DCUN1D2: variants seen among roughly 807,000 people sequenced by gnomAD.
DCUN1D2 encodes the protein DCN1-like protein 2.
Under a neutral mutation model 30.9 loss-of-function variants are expected in DCUN1D2, and 29 were observed. The ratio of observed to expected loss-of-function variants is 0.94; its 90% CI spans 0.70 to 1.28. The LOEUF (loss-of-function observed/expected upper bound fraction) is 1.28. Among genes scored for constraint, DCUN1D2 ranks in the 50% most tolerant of loss-of-function variants. The probability of loss-of-function intolerance (pLI) is 0.00; values close to 1 mark genes in which losing one functional copy is unlikely to be tolerated. For synonymous variants in DCUN1D2, 121 were observed against 115.3 expected (o/e 1.05, Z -0.32); for missense variants, 325 against 316.9 (o/e 1.03, Z -0.19).
At chr13:113,470,731 AG>A (rs1276945290) in intron 4 of DCUN1D2, among the ~76,000 whole-genome samples, 1 of 108,874 alleles carries the variant, frequency 9.2e-6, no homozygotes, top group East Asian at 3.0e-4. Flanking sequence ...CAACTCCACA[AG>A]GGACCCAACT....
intron 4 of DCUN1D2, among the ~76,000 whole-genome samples, chr13:113,461,430 T>C (rs2139676739): frequency 6.6e-6 from 1 of 152,340 alleles, no homozygotes; most frequent in South Asian, 2.1e-4. Flanking sequence ...ATATTGGGTG[T>C]TCTTTAAACC....
chr13:113,463,414 G>A (rs772448010), intron 4 of DCUN1D2, among the ~76,000 whole-genome samples: 2 of 151,932 alleles, frequency 1.3e-5, no homozygotes, highest in East Asian at 1.9e-4. Context: ...AAAGCTGGCC[G>A]GGCACAGTGG....
At chr13:113,472,235 T>G (rs1595577841) in intron 4 of DCUN1D2, among the ~76,000 whole-genome samples, 1 of 151,724 alleles carries the variant, frequency 6.6e-6, no homozygotes, top group Admixed American at 6.6e-5. Flanking sequence ...CAAGCTCAAG[T>G]AGGAAAAATA....
intron 1 of DCUN1D2, among the ~76,000 whole-genome samples, chr13:113,485,559 C>T (rs925068547): frequency 6.6e-6 from 1 of 152,098 alleles, no homozygotes; most frequent in Non-Finnish European, 1.5e-5. Flanking sequence ...CCTGAGGAAA[C>T]GTCTTCTGCG....
Position 113,456,168 on chromosome 13 carries a change from C to T in DCUN1D2, c.*1861G>A, listed in dbSNP as rs920574249. 2.5e-6 allele frequency: 1 copy of T among 398,610 alleles called. No homozygotes were observed. The highest frequency in any genetic ancestry group is 4.4e-6 in the Non-Finnish European group (1 of 226,074). 24.7% of individuals were successfully genotyped at this position (398,610 alleles called of 1,614,324 possible). ...AATGCTCTCTGAGAATCGAAGACTTCTAAAGGTAGACAGGCCCAGTTTCCC... is the reference window on the plus strand; with the variant it reads ...AATGCTCTCTGAGAATCGAAGACTTTTAAAGGTAGACAGGCCCAGTTTCCC... On this transcript the variant is annotated 3_prime_UTR_variant, in exon 7 of 7. Transcript: ENST00000478244.
intron 3 of DCUN1D2, among the ~76,000 whole-genome samples, chr13:113,479,447 C>T (rs545951158): frequency 1.3e-5 from 2 of 152,116 alleles, no homozygotes; most frequent in Non-Finnish European, 2.9e-5. Flanking sequence ...ACAATATGAA[C>T]AGGTGATATT....
rs1424328396 is a variant in DCUN1D2, at chr13:113,490,697, GC to G, written c.-29del. 8.2e-7 allele frequency: 1 copy of G among 1,219,262 alleles called. No individual in the cohort carries two copies. Among genetic ancestry groups the G allele is most frequent in the South Asian group, 3.1e-5 (1 of 32,272 alleles). 75.5% of individuals were successfully genotyped at this position (1,219,262 alleles called of 1,614,324 possible). On this transcript the variant is annotated 5_prime_UTR_variant, in exon 1 of 7. Transcript: ENST00000478244. The surrounding 1 kb of genome is among the most constrained non-coding windows in gnomAD (Gnocchi z 5.2). ...CCCCCGCGCCGCCCGCTTCTGGCCG[GC>G]CCCGGCCTTCTGCGCAGGCGCGGCG...
chr13:113,464,414 G>T (rs1050736890), intron 4 of DCUN1D2, among the ~76,000 whole-genome samples: 1 of 152,204 alleles, frequency 6.6e-6, no homozygotes, highest in Non-Finnish European at 1.5e-5. Context: ...TCTTAAAAAT[G>T]TTTCCAAACA....
chr13:113,490,758 C>A, upstream of DCUN1D2: 1 of 1,134,816 alleles, frequency 8.8e-7, no homozygotes, highest in Non-Finnish European at 1.1e-6. This position sits in a 1 kb window ranked among gnomAD's most constrained non-coding sequence, Gnocchi z 5.2. Context: ...GGCCGCGGCC[C>A]TCGGCTCCGG....
At position 113,470,404 on chromosome 13, in the gene DCUN1D2, C is replaced by A. The variant is rs551571976; in HGVS notation, c.520+3720G>T. On this transcript the variant is annotated intron_variant, in intron 4 of 6. Transcript: ENST00000478244. ...TGTGACACATGATGGGTAACAACTT[C>A]AGAAGAGGAAATGGTGAAAAAGGAA... 5.3e-5 allele frequency among the ~76,000 whole-genome samples: 8 copies of A among 152,222 alleles called. No homozygotes were observed. In the South Asian group the frequency reaches 1.7e-3, roughly 32 times the overall value.
intron 2 of DCUN1D2, among the ~76,000 whole-genome samples, chr13:113,482,048 T>C (rs947100564): frequency 3.9e-5 from 6 of 152,164 alleles, no homozygotes; most frequent in African/African-American, 1.4e-4. Context: ...ACTTCATGAA[T>C]AGAAATATTG....
chr13:113,460,751 G>C (rs1198810248), intron 5 of DCUN1D2, among the ~76,000 whole-genome samples: 1 of 152,264 alleles, frequency 6.6e-6, no homozygotes, highest in Non-Finnish European at 1.5e-5. Context: ...CCTCAGAGGA[G>C]ACAACACGGG....
At chr13:113,485,572 T>G (rs145251159) in intron 1 of DCUN1D2, among the ~76,000 whole-genome samples, 135 of 151,988 alleles carry the variant, frequency 8.9e-4, no homozygotes, top group African/African-American at 3.1e-3. Flanking sequence ...CTTCTGCGGC[T>G]CCTCACAAAG....
At chr13:113,460,259 C>A (rs916098199) in intron 5 of DCUN1D2, among the ~76,000 whole-genome samples, 4 of 152,216 alleles carry the variant, frequency 2.6e-5, no homozygotes, top group Non-Finnish European at 4.4e-5. Context: ...GGCAAGGAAG[C>A]GGAAGTGACG....
At chr13:113,459,602 AAGC>A (rs2044285986) in intron 5 of DCUN1D2, 194 bp from the exon 6 acceptor site, 1 of 430,390 alleles carries the variant, frequency 2.3e-6, no homozygotes, top group Admixed American at 3.8e-5. Context: ...CAAATATAGA[AAGC>A]AGATTTATTT....
intron 3 of DCUN1D2, among the ~76,000 whole-genome samples, chr13:113,479,826 T>C (rs987380976): frequency 2.0e-5 from 3 of 152,258 alleles, no homozygotes; most frequent in African/African-American, 7.2e-5. Flanking sequence ...AAGTATTATA[T>C]ACTGCACATA....
rs757880328 is a variant in DCUN1D2 at position 113,459,327 on chromosome 13, T to C, written c.685A>G (p.Asn229Asp). The part of the protein sequence containing the change: ...FGNMIADDMS[N>D]YDEEGAWPVL... Reference sequence around the variant, plus strand: ...CTTCCGGTACCTTCTTCATCGTAGTTAGACATATCATCCGCAATCATGTTT... The same window carrying C: ...CTTCCGGTACCTTCTTCATCGTAGTCAGACATATCATCCGCAATCATGTTT... Residue 229 changes from asparagine to aspartate, a missense_variant, in exon 6 of 7, where the codon AAC becomes GAC. By Grantham distance (23) the Asn-to-Asp change is conservative. Coordinates refer to ENST00000478244, the MANE Select transcript of DCUN1D2 (RefSeq NM_001014283.2). 1 of 1,586,554 alleles carries C rather than the reference T, an allele frequency of 6.3e-7. No homozygotes were observed. Among genetic ancestry groups the C allele is most frequent in the Non-Finnish European group, 8.7e-7 (1 of 1,154,940 alleles).
chr13:113,468,537 AAAG>A (rs1380453396), intron 4 of DCUN1D2, among the ~76,000 whole-genome samples: 1 of 152,246 alleles, frequency 6.6e-6, no homozygotes, highest in East Asian at 1.9e-4. Context: ...TTAAAAGACA[AAAG>A]AACAGTCCTG....
intron 2 of DCUN1D2, among the ~76,000 whole-genome samples, chr13:113,483,341 C>A (rs1348557529): frequency 6.6e-6 from 1 of 152,196 alleles, no homozygotes; most frequent in Non-Finnish European, 1.5e-5. Context: ...TCTCTAATCA[C>A]TGAAGCTATT....
Sources: allele counts gnomAD v4.1 joint callset (sites outside exome capture counted in the v4.1 genomes callset), GRCh38; gene constraint gnomAD v4.1.1; non-coding constraint Gnocchi (gnomAD v3.1); transcripts MANE v1.5; gene names NCBI Gene and HGNC (gene_info 2026-07-23, HGNC 2026-07-21).